The following TBC1D22B variants were observed in gnomAD, a reference collection of about 807,000 sequenced individuals.
TBC1D22B encodes the protein chromosome 6 open reading frame 197.
Under a neutral mutation model 69.1 loss-of-function variants are expected in TBC1D22B, and 32 were observed. That is an observed-to-expected ratio of 0.46 (90% CI 0.35 to 0.62). The LOEUF (loss-of-function observed/expected upper bound fraction) is 0.62, where lower values mean the gene tolerates loss of function less well. Among genes scored for constraint, TBC1D22B ranks in the 20% least tolerant of loss-of-function variants. The pLI, the probability that TBC1D22B is intolerant of heterozygous loss-of-function variation, is 0.00. For synonymous variants in TBC1D22B, 206 were observed against 229.8 expected (o/e 0.90, Z 0.94); for missense variants, 462 against 630.9 (o/e 0.73, Z 2.87).
intron 10 of TBC1D22B, among the ~76,000 whole-genome samples, chr6:37,315,786 G>A (rs148614026): frequency 6.6e-6 from 1 of 152,070 alleles, no homozygotes; most frequent in Admixed American, 6.6e-5. Context: ...ATGTTGCCTA[G>A]CCTGGTCTTG....
intron 12 of TBC1D22B, 58 bp downstream of exon 12, chr6:37,317,264 C>G (rs987263053): frequency 6.7e-7 from 1 of 1,495,820 alleles, no homozygotes; most frequent in African/African-American, 1.4e-5. Context: ...GGAGTTAGCC[C>G]CTCAGTGGGC....
chr6:37,313,111 C>G, intron 9 of TBC1D22B, 87 bp downstream of exon 9: 1 of 1,000,256 alleles, frequency 1.0e-6, no homozygotes. Context: ...TCTTCTGTAT[C>G]AGGCAGGACC....
chr6:37,330,160 CTTATGGATTACATATA>C (rs1768538765), intron 12 of TBC1D22B, among the ~76,000 whole-genome samples: 1 of 148,690 alleles, frequency 6.7e-6, no homozygotes, highest in Admixed American at 6.7e-5. Context: ...GTAGGCAGTC[CTTATGGATTACATATA>C]TTAACCTTTT....
intron 12 of TBC1D22B, among the ~76,000 whole-genome samples, chr6:37,319,693 G>A (rs543362830): frequency 5.3e-5 from 8 of 152,312 alleles, no homozygotes; most frequent in South Asian, 4.1e-4. Flanking sequence ...AAAATAGAAT[G>A]GGCGATTAAA....
chr6:37,325,670 C>T (rs1426876358), intron 12 of TBC1D22B, among the ~76,000 whole-genome samples: 1 of 150,942 alleles, frequency 6.6e-6, no homozygotes, highest in Non-Finnish European at 1.5e-5. Context: ...CTGCCTCAGC[C>T]TCCCATGTAG....
At chr6:37,275,466 G>A (rs1488805543) in intron 2 of TBC1D22B, among the ~76,000 whole-genome samples, 1 of 152,154 alleles carries the variant, frequency 6.6e-6, no homozygotes, top group Non-Finnish European at 1.5e-5. Flanking sequence ...GATCCTTCTA[G>A]GCCCTGACCT....
chr6:37,313,711 A>T, intron 9 of TBC1D22B, 105 bp from the exon 10 acceptor site: 1 of 1,031,872 alleles, frequency 9.7e-7, no homozygotes, highest in Non-Finnish European at 1.5e-6. Flanking sequence ...GGCCATTGGT[A>T]CTAGCTTTGG....
chr6:37,297,733 G>GAT (rs1306645145), intron 8 of TBC1D22B, among the ~76,000 whole-genome samples: 3 of 152,186 alleles, frequency 2.0e-5, no homozygotes, highest in Non-Finnish European at 4.4e-5. Flanking sequence ...CTACTGTAAA[G>GAT]ATATATGCAC....
intron 1 of TBC1D22B, among the ~76,000 whole-genome samples, chr6:37,260,350 C>T (rs951950520): frequency 6.6e-6 from 1 of 152,092 alleles, no homozygotes; most frequent in Admixed American, 6.5e-5. Context: ...AAAATAAAAG[C>T]GATGACAGGG....
chr6:37,282,113 G>A (rs1037580178), intron 3 of TBC1D22B, 72 bp from the exon 4 acceptor site: 2 of 1,538,366 alleles, frequency 1.3e-6, no homozygotes, highest in Admixed American at 1.7e-5. Context: ...ATGCTGAACG[G>A]TTAGGTTTAA....
chr6:37,283,498 CT>C (rs1766906437), intron 5 of TBC1D22B, among the ~76,000 whole-genome samples: 1 of 152,202 alleles, frequency 6.6e-6, no homozygotes, highest in Non-Finnish European at 1.5e-5. Context: ...GTGCCAGATG[CT>C]TTGAGCAGAT....
At position 37,285,315 on chromosome 6, in the gene TBC1D22B, C is replaced by CTTTTTT. The variant is rs756459599; in HGVS notation, c.801+873_801+878dup. ...GCCAACTCCTTTTGGTCCTTCCCCACTTTTTTTTTTTTTTTTTTTTTTTTT... is the reference window on the plus strand; with the variant it reads ...GCCAACTCCTTTTGGTCCTTCCCCACTTTTTTTTTTTTTTTTTTTTTTTTTTTTTTT... On this transcript the variant is annotated intron_variant, in intron 6 of 12. Coordinates refer to ENST00000373491, the MANE Select transcript of TBC1D22B (RefSeq NM_017772.4). Among the ~76,000 whole-genome samples the CTTTTTT allele has an allele frequency of 1.0e-3, 75 of 73,562 alleles. 15 individuals are homozygous for CTTTTTT. The highest frequency in any genetic ancestry group is 2.4e-3 in the Admixed American group (11 of 4,510). 48.3% of individuals were successfully genotyped at this position (73,562 alleles called of 152,430 possible).
chr6:37,272,809 G>A (rs1766536253), intron 2 of TBC1D22B, among the ~76,000 whole-genome samples: 1 of 152,186 alleles, frequency 6.6e-6, no homozygotes, highest in African/African-American at 2.4e-5. Flanking sequence ...GGCCAGTGAG[G>A]CAGGCATTAC....
chr6:37,262,694 C>T (rs1020956820), intron 1 of TBC1D22B, among the ~76,000 whole-genome samples: 5 of 152,182 alleles, frequency 3.3e-5, no homozygotes, highest in South Asian at 2.1e-4. Context: ...AAATTATCAT[C>T]GAAACAGCAT....
chr6:37,281,330 T>C (rs1262194684), intron 3 of TBC1D22B, among the ~76,000 whole-genome samples: 2 of 152,250 alleles, frequency 1.3e-5, no homozygotes, highest in Non-Finnish European at 2.9e-5. Context: ...CTTATACATA[T>C]GAAGCACTCA....
chr6:37,313,347 A>G (rs189034762), intron 9 of TBC1D22B, among the ~76,000 whole-genome samples: 11 of 152,210 alleles, frequency 7.2e-5, no homozygotes, highest in African/African-American at 2.2e-4. Context: ...AAAATTAGCC[A>G]GGCGTGGTGG....
rs763368037 is a variant in TBC1D22B at position 37,282,252 on chromosome 6, C to T, written c.489C>T (p.Leu163=). 16 of 1,614,108 alleles carry T rather than the reference C, an allele frequency of 9.9e-6. No homozygotes were observed. Among genetic ancestry groups the T allele is most frequent in the South Asian group, 3.3e-5 (3 of 91,086 alleles). The part of the protein sequence containing the change: ...QSLPLRPIIP[L]VARISDQNAS... ...TCCCTCTCCGGCCCATCATCCCCCT[C>T]GTTGCCCGGATCTCGGATCAGAACG... Residue 163 remains leucine (L), a synonymous_variant, in exon 4 of 13, where the codon CTC becomes CTT. Transcript: ENST00000373491.
chr6:37,321,159 A>G (rs895319634), intron 12 of TBC1D22B, among the ~76,000 whole-genome samples: 13 of 151,898 alleles, frequency 8.6e-5, no homozygotes, highest in Admixed American at 6.6e-4. Flanking sequence ...AAGGTAGGCT[A>G]TAATACCCCA....
At chr6:37,330,806 T>TA (rs1768560775) in intron 12 of TBC1D22B, among the ~76,000 whole-genome samples, 1 of 151,594 alleles carries the variant, frequency 6.6e-6, no homozygotes, top group East Asian at 1.9e-4. Context: ...TTATGTTTTT[T>TA]ATGTTTTTAA....
Sources: gnomAD v4.1 joint callset for allele counts (sites outside exome capture counted in the v4.1 genomes callset) on GRCh38, gnomAD v4.1.1 for gene constraint, MANE v1.5 for transcripts, NCBI Gene and HGNC (gene_info 2026-07-23, HGNC 2026-07-21) for gene names.